Variants in ZNF334 observed in about 807,000 individuals in gnomAD.
The protein encoded by ZNF334 is zinc finger protein 334.
Under a neutral mutation model 12.4 loss-of-function variants are expected in ZNF334, and 14 were observed. The ratio of observed to expected loss-of-function variants is 1.13; its 90% CI spans 0.74 to 1.76. ZNF334 has a LOEUF of 1.76. ZNF334 is among the 40% of genes most tolerant of loss of function. The pLI, the probability that ZNF334 is intolerant of heterozygous loss-of-function variation, is 0.00. For synonymous variants in ZNF334, 273 were observed against 269.6 expected, an observed-to-expected ratio of 1.01 and a Z score of -0.12; for missense variants, 797 against 804.5, an observed-to-expected ratio of 0.99 and a Z score of 0.11.
At chr20:46,469,252 T>G in the ZNF334 span, among the ~76,000 whole-genome samples, 1 of 151,824 alleles carries the variant, frequency 6.6e-6, no homozygotes, top group Non-Finnish European at 1.5e-5. Context: ...GACCAAAAAG[T>G]GAGTTAGGCA....
the ZNF334 span, among the ~76,000 whole-genome samples, chr20:46,465,590 T>G: frequency 6.6e-6 from 1 of 152,154 alleles, no homozygotes; most frequent in African/African-American, 2.4e-5. Context: ...CTGGGCATGG[T>G]GGTGCACACC....
the ZNF334 span, among the ~76,000 whole-genome samples, chr20:46,489,546 T>C: frequency 6.7e-6 from 1 of 149,432 alleles, no homozygotes. Context: ...CATGGCCAGC[T>C]ACTCGAGAGG....
chr20:46,479,001 C>A, the ZNF334 span, among the ~76,000 whole-genome samples: 1 of 152,190 alleles, frequency 6.6e-6, no homozygotes, highest in Non-Finnish European at 1.5e-5. Context: ...CCTGGCCACC[C>A]TCAGTCTCTG....
At chr20:46,488,417 T>TATATATATATATA in the ZNF334 span, among the ~76,000 whole-genome samples, 11 of 98,016 alleles carry the variant, frequency 1.1e-4, no homozygotes, top group Middle Eastern at 4.8e-3. Context: ...GTAGCTCTTA[T>TATATATATATATA]TTTATATATA....
At chr20:46,481,076 T>C in the ZNF334 span, 1 of 152,222 alleles carries the variant, frequency 6.6e-6, no homozygotes, top group Non-Finnish European at 1.5e-5. Flanking sequence ...CTGTCCTCAA[T>C]TTTAAGGTGT....
chr20:46,489,802 C>CT, the ZNF334 span, among the ~76,000 whole-genome samples: 1 of 151,962 alleles, frequency 6.6e-6, no homozygotes, highest in Admixed American at 6.6e-5. Context: ...TCCACTATAT[C>CT]TATACATTTT....
At chr20:46,506,214 C>A in intron 2 of ZNF334, 1 of 425,528 alleles carries the variant, frequency 2.4e-6, no homozygotes, top group South Asian at 6.7e-5. Context: ...TGATCAGAAG[C>A]AATATTTGAA....
At chr20:46,506,065 A>C in intron 2 of ZNF334, 1 of 317,852 alleles carries the variant, frequency 3.1e-6, no homozygotes, top group East Asian at 4.8e-5. Flanking sequence ...AAACAAAACA[A>C]AAAAGAGAAT....
the ZNF334 span, among the ~76,000 whole-genome samples, chr20:46,467,899 C>G: frequency 2.6e-5 from 4 of 152,154 alleles, no homozygotes; most frequent in Admixed American, 2.6e-4. Context: ...CACTAGTAGT[C>G]ATGGATTTGA....
At chr20:46,486,469 G>A in the ZNF334 span, among the ~76,000 whole-genome samples, 1 of 152,126 alleles carries the variant, frequency 6.6e-6, no homozygotes, top group East Asian at 1.9e-4. Context: ...ATATATGGCT[G>A]CACTCTTATT....
chr20:46,489,561 G>A, the ZNF334 span, among the ~76,000 whole-genome samples: 1 of 149,792 alleles, frequency 6.7e-6, no homozygotes, highest in Non-Finnish European at 1.5e-5. Context: ...GAGAGGCTGA[G>A]GCAGGAGAAT....
intron 2 of ZNF334, chr20:46,509,849 TAAGA>T (rs1403370466): frequency 1.0e-5 from 6 of 596,936 alleles, no homozygotes; most frequent in East Asian, 2.8e-5. Context: ...ATATAGCTCC[TAAGA>T]AAGTATGTTC....
the ZNF334 span, among the ~76,000 whole-genome samples, chr20:46,467,844 T>C: frequency 6.6e-6 from 1 of 152,248 alleles, no homozygotes; most frequent in African/African-American, 2.4e-5. Flanking sequence ...TACATAATCA[T>C]TTAGAATATT....
At chr20:46,509,876 T>A (rs1349019224) in intron 2 of ZNF334, 1 of 589,758 alleles carries the variant, frequency 1.7e-6, no homozygotes, top group Non-Finnish European at 3.0e-6. Flanking sequence ...TAAAAAGATA[T>A]GGGTCTGGCA....
the ZNF334 span, chr20:46,492,815 T>C: frequency 6.6e-6 from 1 of 152,198 alleles, no homozygotes; most frequent in Non-Finnish European, 1.5e-5. Context: ...ATCAGAAATG[T>C]ACTTTTTTTA....
chr20:46,504,382 C>T, intron 3 of ZNF334, 76 bp from the exon 4 acceptor site: 1 of 1,380,090 alleles, frequency 7.2e-7, no homozygotes, highest in South Asian at 1.2e-5. Flanking sequence ...GAAAGTACAG[C>T]TTCAGAAGCT....
At chr20:46,493,343 G>T in the ZNF334 span, among the ~76,000 whole-genome samples, 3 of 152,324 alleles carry the variant, frequency 2.0e-5, no homozygotes, top group South Asian at 6.2e-4. Context: ...TCTCTTCTGG[G>T]TGAATTAGAA....
chr20:46,483,736 C>A, the ZNF334 span, among the ~76,000 whole-genome samples: 2 of 152,126 alleles, frequency 1.3e-5, no homozygotes, highest in Non-Finnish European at 2.9e-5. Flanking sequence ...ATTCCTAACC[C>A]ACTTGAATTA....
rs143609468 is a variant in ZNF334 at position 46,511,998 on chromosome 20, A to G, written c.21+84T>C. ...ATACTCTTCTCTGATGCTGAATTTT[A>G]TACATTTCGTTTCATCTGCAAACTA... On this transcript the variant is annotated intron_variant, in intron 2 of 4. Coordinates refer to ENST00000692313, the MANE Select transcript of ZNF334 (RefSeq NM_001353824.2). The G allele has an allele frequency of 3.2e-5, 43 of 1,351,276 alleles. No homozygotes were observed. The Middle Eastern group carries it at 5.4e-4, about 17-fold the overall frequency. 83.7% of individuals were successfully genotyped at this position (1,351,276 alleles called of 1,614,324 possible). A position where few individuals can be genotyped will look rare whatever the true frequency, so the allele number is the denominator to read the frequency against.
Sources: allele counts gnomAD v4.1 joint callset (sites outside exome capture counted in the v4.1 genomes callset), GRCh38; gene constraint gnomAD v4.1.1; transcripts MANE v1.5; gene names NCBI Gene and HGNC (gene_info 2026-07-23, HGNC 2026-07-21).